SLC30A9: variants seen among roughly 807,000 people sequenced by gnomAD.
SLC30A9 encodes the protein solute carrier family 30 member 9.
In SLC30A9, 58 loss-of-function variants were observed where a neutral mutation model predicts 87.5. The ratio of observed to expected loss-of-function variants is 0.66; its 90% confidence interval spans 0.54 to 0.82. The LOEUF (loss-of-function observed/expected upper bound fraction) is 0.82. Among genes scored for constraint, SLC30A9 ranks in the 40% least tolerant of loss-of-function variants. The pLI is 0.00. For synonymous variants in SLC30A9, 234 were observed against 233.0 expected, an observed-to-expected ratio of 1.00 and a Z score of -0.04; for missense variants, 557 against 679.1, an observed-to-expected ratio of 0.82 and a Z score of 2.00.
Position 42,067,156 on chromosome 4 carries a change from A to G in SLC30A9, c.1216A>G (p.Ile406Val), listed in dbSNP as rs1189521625. Reference protein sequence around the residue: ...EDTAAVLGVIIAATCMGLTSI... With the variant: ...EDTAAVLGVIVAATCMGLTSI... Reference sequence around the variant, plus strand: ...TACTGCTGCAGTCTTGGGAGTTATAATAGCAGCCACTTGCATGGGCCTTAC... The same window carrying G: ...TACTGCTGCAGTCTTGGGAGTTATAGTAGCAGCCACTTGCATGGGCCTTAC... The change falls in exon 14 of 18, where the codon ATA becomes GTA. Residue 406 changes from isoleucine (I) to valine (V), a missense_variant. Ile to Val is a conservative substitution (Grantham distance 29). Transcript: ENST00000264451. 1.2e-5 allele frequency: 20 copies of G among 1,611,726 alleles called. No individual in the cohort carries two copies. Among genetic ancestry groups the G allele is most frequent in the Admixed American group, 1.7e-5 (1 of 60,020 alleles).
At chr4:42,076,291 T>A (rs1718547431) in intron 16 of SLC30A9, among the ~76,000 whole-genome samples, 1 of 152,178 alleles carries the variant, frequency 6.6e-6, no homozygotes, top group Non-Finnish European at 1.5e-5. Flanking sequence ...TGTATTTGCT[T>A]AAGGTCTTAA....
intron 6 of SLC30A9, among the ~76,000 whole-genome samples, chr4:42,030,899 A>G (rs1716407144): frequency 6.6e-6 from 1 of 152,192 alleles, no homozygotes; most frequent in Non-Finnish European, 1.5e-5. Context: ...TGACAGGCCT[A>G]ATAAATTTGC....
chr4:42,043,626 C>T (rs1442318911), intron 8 of SLC30A9, among the ~76,000 whole-genome samples: 3 of 152,182 alleles, frequency 2.0e-5, no homozygotes, highest in African/African-American at 7.2e-5. Flanking sequence ...GAGAATGGAA[C>T]CAAGTTGGAA....
chr4:42,046,466 G>A (rs1028569722), intron 8 of SLC30A9, among the ~76,000 whole-genome samples: 1 of 152,114 alleles, frequency 6.6e-6, no homozygotes, highest in Admixed American at 6.6e-5. Flanking sequence ...AATCATGAGT[G>A]AACTCCCATT....
chr4:42,067,850 TG>T (rs974882496), intron 14 of SLC30A9, among the ~76,000 whole-genome samples: 1 of 152,222 alleles, frequency 6.6e-6, no homozygotes, highest in African/African-American at 2.4e-5. Flanking sequence ...GATGGCATCC[TG>T]GCCAGGTCTG....
Position 42,029,188 on chromosome 4 carries a change from A to G in SLC30A9, c.610+5804A>G, listed in dbSNP as rs114993592. On this transcript the variant is annotated intron_variant, in intron 6 of 17. Transcript: ENST00000264451. The stretch of plus-strand genomic sequence containing the variant: ...AGCCACCCACCCTTCCGACTGCGGC[A>G]GCTGCTGACCCGCTGTTGCCATGAC... The G allele has an allele frequency of 6.2e-3, 2,343 of 375,972 alleles. 46 individuals are homozygous for G. The highest frequency in any genetic ancestry group is 0.047 in the African/African-American group (2,139 of 45,876). 23.3% of individuals were successfully genotyped at this position (375,972 alleles called of 1,614,324 possible). A position where few individuals can be genotyped will look rare whatever the true frequency, so the allele number is the denominator to read the frequency against.
At chr4:42,015,100 G>A (rs1331916887) in intron 2 of SLC30A9, among the ~76,000 whole-genome samples, 6 of 152,024 alleles carry the variant, frequency 3.9e-5, no homozygotes, top group Non-Finnish European at 7.4e-5. Context: ...TGAGATGATC[G>A]ATGCTCCATT....
chr4:42,022,263 T>C (rs1431247244), intron 4 of SLC30A9, among the ~76,000 whole-genome samples: 1 of 148,058 alleles, frequency 6.8e-6, no homozygotes, highest in African/African-American at 2.5e-5. Context: ...TTTTTTGCTT[T>C]ATCTCCTAGG....
chr4:42,048,428 G>A (rs1717256667), intron 8 of SLC30A9, among the ~76,000 whole-genome samples: 1 of 152,074 alleles, frequency 6.6e-6, no homozygotes, highest in Non-Finnish European at 1.5e-5. Flanking sequence ...TGGGAAAAGG[G>A]TAGCTAAAAG....
At position 42,089,886 on chromosome 4, in the gene SLC30A9, G is replaced by A. The variant is rs912954068; in HGVS notation, c.*3760G>A. Reference sequence around the variant, plus strand: ...ACATCCTCCTACACACACACACATAGTGCAAAGTGAATAACAAAATGTCAT... The same window carrying A: ...ACATCCTCCTACACACACACACATAATGCAAAGTGAATAACAAAATGTCAT... On this transcript the variant is annotated 3_prime_UTR_variant, in exon 18 of 18. Coordinates refer to ENST00000264451, the MANE Select transcript of SLC30A9 (RefSeq NM_006345.4). 6 of 152,124 alleles carry A rather than the reference G, an allele frequency of 3.9e-5. No homozygotes were observed. The highest frequency in any genetic ancestry group is 7.4e-5 in the Non-Finnish European group (5 of 68,018). The allele number at this position is 152,124 out of a possible 1,614,324, so 9.4% of individuals were successfully genotyped here. A position where few individuals can be genotyped will look rare whatever the true frequency, so the allele number is the denominator to read the frequency against.
At chr4:42,023,923 C>T (rs1577691423) in intron 6 of SLC30A9, among the ~76,000 whole-genome samples, 1 of 152,222 alleles carries the variant, frequency 6.6e-6, no homozygotes, top group South Asian at 2.1e-4. Flanking sequence ...ACCATCAGAT[C>T]TCGAGAACTC....
At chr4:42,048,078 G>A (rs1004728822) in intron 8 of SLC30A9, among the ~76,000 whole-genome samples, 1 of 152,042 alleles carries the variant, frequency 6.6e-6, no homozygotes, top group African/African-American at 2.4e-5. Flanking sequence ...GGCCTATTGG[G>A]GGGTGGGTGG....
intron 15 of SLC30A9, among the ~76,000 whole-genome samples, chr4:42,075,040 TATATATATATATATATATA>T (rs1396187260): frequency 2.2e-3 from 26 of 11,736 alleles, no homozygotes; most frequent in Admixed American, 5.5e-3. Context: ...TATATATATA[TATATATATATATATATATA>T]TTTTTTTTTT....
rs1715794969 is a variant in SLC30A9 at position 42,018,071 on chromosome 4, G to A, written c.275-40G>A. ...TAATTAAGTTTATAGATTTATGAAA[G>A]CAGTTGTTTAATGTAAACTTCTTTT... On this transcript the variant is annotated intron_variant, in intron 2 of 17. Transcript: ENST00000264451. 5 of 1,046,190 alleles carry A rather than the reference G, an allele frequency of 4.8e-6. No individual in the cohort carries two copies. The East Asian group carries it at 9.7e-5, about 20-fold the overall frequency. The allele number at this position is 1,046,190 out of a possible 1,614,324, so 64.8% of individuals were successfully genotyped here.
Position 42,075,186 on chromosome 4 carries a change from G to A in SLC30A9, c.1419-471G>A, listed in dbSNP as rs530141157. On this transcript the variant is annotated intron_variant, in intron 15 of 17. Transcript: ENST00000264451. ...CCTCCCAGGTTCAAGCAATTCTCCT[G>A]TCTCAGCCTCCTGAGTAGCTGGGAT... 2.6e-3 allele frequency among the ~76,000 whole-genome samples: 376 copies of A among 142,606 alleles called. 3 individuals carry two copies. The highest frequency in any genetic ancestry group is 2.7e-3 in the Non-Finnish European group (181 of 66,450). 93.6% of individuals were successfully genotyped at this position (142,606 alleles called of 152,430 possible).
At chr4:42,043,874 G>T (rs894169911) in intron 8 of SLC30A9, among the ~76,000 whole-genome samples, 1 of 152,178 alleles carries the variant, frequency 6.6e-6, no homozygotes, top group Admixed American at 6.5e-5. Context: ...AGATCTCTCT[G>T]CAGAAACCCT....
intron 10 of SLC30A9, among the ~76,000 whole-genome samples, chr4:42,060,997 A>T (rs1041796122): frequency 6.6e-6 from 1 of 152,176 alleles, no homozygotes; most frequent in Non-Finnish European, 1.5e-5. Flanking sequence ...TAGTATAGAG[A>T]ATAGCTCTCT....
intron 6 of SLC30A9, among the ~76,000 whole-genome samples, chr4:42,024,198 C>T (rs1424238769): frequency 6.6e-6 from 1 of 152,134 alleles, no homozygotes. Flanking sequence ...AAGTAAGACT[C>T]TTAGGAGCCA....
chr4:42,070,814 G>T, intron 15 of SLC30A9, 123 bp downstream of exon 15: 1 of 656,626 alleles, frequency 1.5e-6, no homozygotes, highest in Non-Finnish European at 2.4e-6. Flanking sequence ...GTTTTAGTCT[G>T]TAACTTTTCA....
Sources: allele counts gnomAD v4.1 joint callset (sites outside exome capture counted in the v4.1 genomes callset), GRCh38; gene constraint gnomAD v4.1.1; transcripts MANE v1.5; gene names NCBI Gene and HGNC (gene_info 2026-07-23, HGNC 2026-07-21).